Variants in LRIG1 observed in about 807,000 individuals in gnomAD.
LRIG1 encodes the protein leucine rich repeats and immunoglobulin like domains 1.
In LRIG1, 48 loss-of-function variants were observed where a neutral mutation model predicts 99.2. The ratio of observed to expected loss-of-function variants is 0.48; its 90% CI spans 0.38 to 0.62. LRIG1 has a LOEUF of 0.62. Among genes scored for constraint, LRIG1 ranks in the 20% least tolerant of loss-of-function variants. The pLI is 0.00. For missense variants in LRIG1, 1,646 were observed against 1,434.4 expected, an observed-to-expected ratio of 1.15 and a Z score of -2.38; for synonymous variants, 772 against 596.1, an observed-to-expected ratio of 1.29 and a Z score of -4.30.
At chr3:66,401,645 C>T in intron 9 of LRIG1, 22 of 1,530,516 alleles carry the variant, frequency 1.4e-5, no homozygotes, top group Non-Finnish European at 1.8e-5. Flanking sequence ...GGACGGGGAG[C>T]TGCAGCCAGC....
intron 3 of LRIG1, among the ~76,000 whole-genome samples, chr3:66,419,708 C>T (rs1181197339): frequency 6.6e-6 from 1 of 152,044 alleles, no homozygotes. Context: ...AATACAGAGA[C>T]AGGCACAAGA....
intron 1 of LRIG1, among the ~76,000 whole-genome samples, chr3:66,495,860 C>A (rs1222294293): frequency 1.3e-5 from 2 of 152,210 alleles, no homozygotes; most frequent in African/African-American, 4.8e-5. Context: ...AGGAGACACC[C>A]CTGCAGAAGC....
intron 13 of LRIG1, among the ~76,000 whole-genome samples, chr3:66,385,256 G>C (rs369272786): frequency 1.6e-4 from 24 of 152,212 alleles, no homozygotes; most frequent in African/African-American, 5.8e-4. Flanking sequence ...TTTCAGGCCA[G>C]GGCTCACACC....
At chr3:66,396,052 T>A (rs1179616076) in intron 11 of LRIG1, among the ~76,000 whole-genome samples, 1 of 152,242 alleles carries the variant, frequency 6.6e-6, no homozygotes, top group Non-Finnish European at 1.5e-5. Flanking sequence ...ATCAGACACA[T>A]GTAGAAAGGG....
chr3:66,386,193 A>G lies in LRIG1; in HGVS notation c.1577T>C (p.Met526Thr). The G allele has an allele frequency of 6.2e-7, 1 of 1,614,168 alleles. No homozygotes were observed. ...CSAASSSSSP[M>T]TFAWKKDNEV... ...ATTGTCTTTCTTCCAGGCAAAGGTC[A>G]TGGGGGAGCTGCTGCTGCTGGCTGC... is the stretch of plus-strand genomic sequence containing the variant. Residue 526 changes from methionine (M) to threonine (T), a missense_variant, in exon 13 of 19, where the codon ATG becomes ACG. Met to Thr is a moderately conservative substitution (Grantham distance 81). Coordinates refer to ENST00000273261, the MANE Select transcript of LRIG1 (RefSeq NM_015541.3).
At chr3:66,461,786 AAAG>A (rs548205449) in intron 2 of LRIG1, among the ~76,000 whole-genome samples, 62 of 152,356 alleles carry the variant, frequency 4.1e-4, no homozygotes, top group Non-Finnish European at 7.1e-4. Context: ...AATGCATTAA[AAAG>A]AAGGAAAGAC....
chr3:66,416,079 T>C (rs1575673717), intron 4 of LRIG1, among the ~76,000 whole-genome samples: 1 of 152,314 alleles, frequency 6.6e-6, no homozygotes, highest in East Asian at 1.9e-4. Context: ...GATGAAGATA[T>C]ATCACCCAAT....
chr3:66,487,681 A>G (rs1377274621), intron 1 of LRIG1, among the ~76,000 whole-genome samples: 1 of 152,210 alleles, frequency 6.6e-6, no homozygotes, highest in Non-Finnish European at 1.5e-5. Context: ...AGATGTCAAC[A>G]ATAAATTCAC....
Position 66,500,213 on chromosome 3 carries a change from G to A in LRIG1, c.195C>T (p.Asp65=). The A allele has an allele frequency of 6.6e-7, 1 of 1,514,424 alleles. No homozygotes were observed. The highest frequency in any genetic ancestry group is 2.0e-5 in the Admixed American group (1 of 49,268). 93.8% of individuals were successfully genotyped at this position (1,514,424 alleles called of 1,614,324 possible). ...GGRGLAALPG[D]LPSWTRSLNL... ...ACAGGCTCCGCGTCCAGGAGGGCAG[G>A]TCCCCGGGCAACGCAGCCAGCCCGC... The change falls in exon 1 of 19, where the codon GAC becomes GAT. Residue 65 remains aspartate (D), a synonymous_variant. Transcript: ENST00000273261.
intron 9 of LRIG1, among the ~76,000 whole-genome samples, chr3:66,402,408 A>ACTCT (rs61641593): frequency 0.26 from 39,387 of 151,788 alleles, 5,321 homozygotes; most frequent in African/African-American, 0.32. Flanking sequence ...AGTGTGAGGA[A>ACTCT]CTCTCCAACA....
At chr3:66,424,885 T>C (rs531123549) in intron 3 of LRIG1, among the ~76,000 whole-genome samples, 1 of 152,370 alleles carries the variant, frequency 6.6e-6, no homozygotes, top group South Asian at 2.1e-4. Context: ...AAATGGGCTT[T>C]GTGTTAGATG....
intron 1 of LRIG1, among the ~76,000 whole-genome samples, chr3:66,491,308 T>C (rs1701096395): frequency 6.6e-6 from 1 of 152,224 alleles, no homozygotes; most frequent in African/African-American, 2.4e-5. Flanking sequence ...CTATTCCATT[T>C]CTAATTATGT....
chr3:66,445,914 C>A (rs1250188382), intron 3 of LRIG1, among the ~76,000 whole-genome samples: 2 of 152,166 alleles, frequency 1.3e-5, no homozygotes, highest in African/African-American at 4.8e-5. Context: ...TAGCTCAGAT[C>A]ATGAGGCCGA....
At chr3:66,451,754 G>A in intron 2 of LRIG1, 121 bp from the exon 3 acceptor site, 1 of 686,772 alleles carries the variant, frequency 1.5e-6, no homozygotes. Context: ...TTCTAATGTT[G>A]GAGAAAAGAG....
At chr3:66,444,061 G>T (rs1703634278) in intron 3 of LRIG1, among the ~76,000 whole-genome samples, 1 of 152,216 alleles carries the variant, frequency 6.6e-6, no homozygotes, top group South Asian at 2.1e-4. Flanking sequence ...AGACTGATCA[G>T]ATACGAGTGA....
intron 1 of LRIG1, among the ~76,000 whole-genome samples, chr3:66,471,453 G>C (rs1407014328): frequency 1.3e-5 from 2 of 152,126 alleles, no homozygotes; most frequent in Non-Finnish European, 2.9e-5. Flanking sequence ...AACAGAGGGG[G>C]GTTGGAACCT....
intron 1 of LRIG1, among the ~76,000 whole-genome samples, chr3:66,497,032 A>G (rs779820930): frequency 6.6e-6 from 1 of 152,256 alleles, no homozygotes; most frequent in African/African-American, 2.4e-5. Context: ...TTGCAAACAC[A>G]TAGTACAAAG....
chr3:66,499,302 C>T (rs975734212), intron 1 of LRIG1, among the ~76,000 whole-genome samples: 5 of 152,182 alleles, frequency 3.3e-5, no homozygotes, highest in Non-Finnish European at 7.3e-5. Context: ...AGAAAAGAAC[C>T]TCTTTCGGGT....
chr3:66,489,771 G>A (rs566088662), intron 1 of LRIG1, among the ~76,000 whole-genome samples: 53 of 152,282 alleles, frequency 3.5e-4, no homozygotes, highest in South Asian at 1.5e-3. Context: ...TGGCAGAGCT[G>A]GGACGAAACC....
Sources: gnomAD v4.1 joint callset for allele counts (sites outside exome capture counted in the v4.1 genomes callset) on GRCh38, gnomAD v4.1.1 for gene constraint, MANE v1.5 for transcripts, NCBI Gene and HGNC (gene_info 2026-07-23, HGNC 2026-07-21) for gene names.